BRWD3: variants seen among roughly 807,000 people sequenced by gnomAD.
BRWD3 encodes bromodomain and WD repeat-containing protein 3.
In BRWD3, 10 loss-of-function variants were observed where a neutral mutation model predicts 149.7. The ratio of observed to expected loss-of-function variants is 0.07; its 90% CI spans 0.04 to 0.11. BRWD3 has a LOEUF of 0.11. Ranked by LOEUF, BRWD3 falls within the 10% of genes least tolerant of loss-of-function variation. The pLI is 1.00. For missense variants in BRWD3, 940 were observed against 1,373.2 expected, an observed-to-expected ratio of 0.68 and a Z score of 4.99; for synonymous variants, 504 against 456.7, an observed-to-expected ratio of 1.10 and a Z score of -1.32.
rs140766246 is a variant in BRWD3 at position 80,769,248 on chromosome X, G to A, written c.430+22606C>T. On this transcript the variant is annotated intron_variant, in intron 6 of 40. Transcript: ENST00000373275. The stretch of plus-strand genomic sequence containing the variant: ...AGCTCTGCAACAAGCAGACCTAATA[G>A]ACATCTACAGAACTCTCCACCCCAA... Among the ~76,000 whole-genome samples the A allele has an allele frequency of 1.7e-3, 184 of 111,471 alleles. 4 individuals carry two copies. The East Asian group carries it at 0.036, about 22-fold the overall frequency.
chrX:80,754,649 C>T (rs1313814674), intron 6 of BRWD3, among the ~76,000 whole-genome samples: 1 of 112,175 alleles, frequency 8.9e-6, no homozygotes, highest in Non-Finnish European at 1.9e-5. Context: ...GTTTATCATA[C>T]ATGCCCTTTA....
At chrX:80,696,063 A>C (rs1014524179) in intron 26 of BRWD3, 73 bp from the exon 27 acceptor site, 1 of 945,619 alleles carries the variant, frequency 1.1e-6, no homozygotes, top group Non-Finnish European at 1.5e-6. Context: ...GTCCAAGGAT[A>C]TATGTTTATT....
chrX:80,676,335 GTGTGTGTGTC>G lies in BRWD3; in HGVS notation c.*264_*273del, dbSNP rs1202826732. The G allele has an allele frequency of 6.9e-5, 5 of 72,157 alleles. No individual in the cohort carries two copies. Among genetic ancestry groups the G allele is most frequent in the Non-Finnish European group, 1.9e-4 (5 of 26,916 alleles). The allele number at this position is 72,157 out of a possible 1,213,427, so 5.9% of individuals were successfully genotyped here. A position where few individuals can be genotyped will look rare whatever the true frequency, so the allele number is the denominator to read the frequency against. The stretch of plus-strand genomic sequence containing the variant: ...CTGTAGTGTCTGTGTTGTGTTTCGT[GTGTGTGTGTC>G]TGTGTGTGTGTATGTGTGTGTATGT... On this transcript the variant is annotated 3_prime_UTR_variant, in exon 41 of 41. Coordinates refer to ENST00000373275, the MANE Select transcript of BRWD3 (RefSeq NM_153252.5).
intron 24 of BRWD3, among the ~76,000 whole-genome samples, chrX:80,703,221 T>C (rs778217661): frequency 9.0e-6 from 1 of 111,231 alleles, no homozygotes; most frequent in African/African-American, 3.3e-5. Flanking sequence ...CCAATTATTT[T>C]TATGACTTCA....
intron 6 of BRWD3, among the ~76,000 whole-genome samples, chrX:80,782,631 C>G (rs2074067877): frequency 8.9e-6 from 1 of 111,883 alleles, no homozygotes; most frequent in Non-Finnish European, 1.9e-5. Flanking sequence ...GGCACAGTGA[C>G]TCACGCCTGT....
Position 80,676,875 on chromosome X carries a change from C to G in BRWD3, c.5143G>C (p.Gly1715Arg). 1 of 1,209,474 alleles carries G rather than the reference C, an allele frequency of 8.3e-7. No homozygotes were observed. Among genetic ancestry groups the G allele is most frequent in the Non-Finnish European group, 1.1e-6 (1 of 894,184 alleles). ...RGRGRGRGGR[G>R]ASRGATRAKR... ...GCTCTGGTAGCTCCTCTAGAAGCAC[C>G]TCTTCCTCCTCTCCCTCTTCCCCTC... Residue 1715 changes from glycine (G) to arginine (R), a missense_variant, in exon 41 of 41, where the codon GGT becomes CGT. Physicochemically the swap from Gly to Arg is moderately radical, Grantham distance 125. Coordinates refer to ENST00000373275, the MANE Select transcript of BRWD3 (RefSeq NM_153252.5).
At chrX:80,791,797 G>T in intron 6 of BRWD3, 57 bp downstream of exon 6, 1 of 897,058 alleles carries the variant, frequency 1.1e-6, no homozygotes, top group South Asian at 2.1e-5. Flanking sequence ...TCTTCCTAAT[G>T]AGTTCAGGAA....
rs779365055 is a variant in BRWD3 at position 80,792,889 on chromosome X, C to T, written c.331+733G>A. Among the ~76,000 whole-genome samples, 6 of 110,353 alleles carry T rather than the reference C, an allele frequency of 5.4e-5. No homozygotes were observed. In the East Asian group the frequency reaches 1.4e-3, roughly 26 times the overall value. On this transcript the variant is annotated intron_variant, in intron 5 of 40. Transcript: ENST00000373275. Reference sequence around the variant, plus strand: ...TTATTTAACAATTACTGAGGCCCGGCGCAGTGGTTTACGCCTGTAATCCCA... The same window carrying T: ...TTATTTAACAATTACTGAGGCCCGGTGCAGTGGTTTACGCCTGTAATCCCA...
At chrX:80,736,923 G>A (rs898415167) in intron 8 of BRWD3, among the ~76,000 whole-genome samples, 2 of 111,775 alleles carry the variant, frequency 1.8e-5, no homozygotes, top group African/African-American at 6.5e-5. Context: ...AATCCCAAAT[G>A]AAGATAATTA....
chrX:80,751,551 A>G (rs1225855491), intron 6 of BRWD3, among the ~76,000 whole-genome samples: 4 of 112,007 alleles, frequency 3.6e-5, no homozygotes, highest in Non-Finnish European at 7.5e-5. Flanking sequence ...AGCAAAATAC[A>G]TTTTTTTAAA....
chrX:80,700,011 C>T lies in BRWD3; in HGVS notation c.2889G>A (p.Ser963=), dbSNP rs759802290. The T allele has an allele frequency of 6.6e-6, 8 of 1,209,959 alleles. No homozygotes were observed. Among genetic ancestry groups the T allele is most frequent in the African/African-American group, 5.2e-5 (3 of 57,618 alleles). The change falls in exon 25 of 41, where the codon TCG becomes TCA. Residue 963 remains serine, a synonymous_variant. Transcript: ENST00000373275. ...TTTGTAAATTAACACTGTATATTTT[C>T]GATTTCCTTACAGCCCGAACATAAG... The part of the protein sequence containing the change: ...HEAYVRAVRK[S]KIYSVNLQKQ...
intron 24 of BRWD3, among the ~76,000 whole-genome samples, chrX:80,703,173 C>T (rs1350087111): frequency 9.0e-6 from 1 of 110,620 alleles, no homozygotes; most frequent in Non-Finnish European, 1.9e-5. Context: ...CAAAATACCA[C>T]TCAATTCTAC....
chrX:80,750,780 G>A (rs918140881), intron 6 of BRWD3, among the ~76,000 whole-genome samples: 6 of 109,342 alleles, frequency 5.5e-5, no homozygotes, highest in African/African-American at 1.3e-4. Flanking sequence ...TCTCATGTTC[G>A]TTGCAGCATT....
At chrX:80,715,554 T>C (rs1156729471) in intron 20 of BRWD3, among the ~76,000 whole-genome samples, 1 of 112,084 alleles carries the variant, frequency 8.9e-6, no homozygotes, top group Non-Finnish European at 1.9e-5. Flanking sequence ...AATATACAGA[T>C]CATATTTTGC....
intron 23 of BRWD3, 114 bp from the exon 24 acceptor site, chrX:80,703,707 A>G: frequency 1.9e-6 from 1 of 516,748 alleles, no homozygotes; most frequent in Non-Finnish European, 3.2e-6. Context: ...ATTTCAGGTT[A>G]CAATGAAACC....
chrX:80,783,925 G>A (rs1437580076), intron 6 of BRWD3, among the ~76,000 whole-genome samples: 1 of 111,077 alleles, frequency 9.0e-6, no homozygotes, highest in Non-Finnish European at 1.9e-5. Context: ...AGGCTGGGAA[G>A]GATAGTGGGA....
chrX:80,696,519 TACACACACACACACACACAC>T (rs560341387), intron 26 of BRWD3, among the ~76,000 whole-genome samples, 200 bp downstream of exon 26: 6 of 82,171 alleles, frequency 7.3e-5, no homozygotes, highest in East Asian at 3.9e-4. Context: ...ATAACATAAA[TACACACACACACACACACAC>T]ACACACACAC....
intron 6 of BRWD3, among the ~76,000 whole-genome samples, chrX:80,791,080 A>C (rs761874849): frequency 2.0e-4 from 23 of 112,338 alleles, no homozygotes; most frequent in African/African-American, 7.1e-4. Flanking sequence ...TTCTAGCTTC[A>C]ATTTACTTAA....
Position 80,673,734 on chromosome X carries a change from T to A in BRWD3, c.*2875A>T, listed in dbSNP as rs926354680. The A allele has an allele frequency of 1.8e-5, 2 of 111,898 alleles. No individual in the cohort carries two copies. The highest frequency in any genetic ancestry group is 6.5e-5 in the African/African-American group (2 of 30,873). The allele number at this position is 111,898 out of a possible 1,213,427, so 9.2% of individuals were successfully genotyped here. On this transcript the variant is annotated 3_prime_UTR_variant, in exon 41 of 41. Transcript: ENST00000373275. ...AATATTACAGCTCACTGACTATTCA[T>A]ATCTAGCATAGGATTAGGTTTATAC... is the stretch of plus-strand genomic sequence containing the variant.
Sources: allele counts gnomAD v4.1 joint callset (sites outside exome capture counted in the v4.1 genomes callset), GRCh38; gene constraint gnomAD v4.1.1; transcripts MANE v1.5; gene names NCBI Gene and HGNC (gene_info 2026-07-23, HGNC 2026-07-21).